Variants in RBFOX1 observed in about 807,000 individuals in gnomAD.
The protein encoded by RBFOX1 is RNA binding protein fox-1 homolog 1.
RBFOX1 carries 8 observed loss-of-function variants against 57.7 expected under a neutral mutation model. The observed-to-expected ratio is 0.14, with a 90% confidence interval of 0.08 to 0.25. The LOEUF is 0.25. Among genes scored for constraint, RBFOX1 ranks in the 10% least tolerant of loss-of-function variants. The probability of loss-of-function intolerance (pLI) is 1.00; values close to 1 mark genes in which losing one functional copy is unlikely to be tolerated. For missense variants in RBFOX1, 611 were observed against 548.5 expected (o/e 1.11, Z -1.14); for synonymous variants, 326 against 222.4 (o/e 1.47, Z -4.15).
intron 3 of RBFOX1, among the ~76,000 whole-genome samples, chr16:6,989,054 C>T (rs1044482332): frequency 5.3e-5 from 8 of 152,140 alleles, no homozygotes; most frequent in East Asian, 3.9e-4. Context: ...TGAGCCACCG[C>T]GCCCGGCTTT....
At position 5,488,006 on chromosome 16, in the gene RBFOX1, GTGA is replaced by G. The variant is rs373688736; in HGVS notation, c.258+20767_258+20769del. On this transcript the variant is annotated intron_variant, in intron 2 of 2. Coordinates refer to the RBFOX1 transcript ENST00000585867. ...GATGTAATCATGATGGAAGATAATAGTGATGATGATGATGATGGTTGTGGTGCT... is the reference window on the plus strand; with the variant it reads ...GATGTAATCATGATGGAAGATAATAGTGATGATGATGATGGTTGTGGTGCT... 2.8e-3 allele frequency among the ~76,000 whole-genome samples: 427 copies of G among 152,174 alleles called. 3 individuals carry two copies. The highest frequency in any genetic ancestry group is 9.7e-3 in the African/African-American group (402 of 41,514).
At chr16:7,234,813 T>G (rs902102461) in intron 4 of RBFOX1, among the ~76,000 whole-genome samples, 3 of 152,080 alleles carry the variant, frequency 2.0e-5, no homozygotes, top group African/African-American at 7.2e-5. Flanking sequence ...TCCAAAAATA[T>G]GCAAGGCACC....
intron 1 of RBFOX1, among the ~76,000 whole-genome samples, chr16:6,280,662 T>A (rs1024914563): frequency 3.3e-5 from 5 of 151,952 alleles, no homozygotes; most frequent in African/African-American, 1.2e-4. Flanking sequence ...CAGAAGTAAT[T>A]AAGATAGGGA....
At chr16:7,142,681 A>C (rs1469213169) in intron 4 of RBFOX1, among the ~76,000 whole-genome samples, 1 of 152,180 alleles carries the variant, frequency 6.6e-6, no homozygotes, top group East Asian at 1.9e-4. Context: ...TTGTTTGTAT[A>C]TACATGTCTT....
intron 1 of RBFOX1, among the ~76,000 whole-genome samples, chr16:6,212,967 C>T (rs978200395): frequency 6.6e-6 from 1 of 152,128 alleles, no homozygotes; most frequent in African/African-American, 2.4e-5. Context: ...ACGGCCTTTT[C>T]CCTTAATAAG....
chr16:7,075,691 C>A (rs1220634333), intron 4 of RBFOX1, among the ~76,000 whole-genome samples: 3 of 152,164 alleles, frequency 2.0e-5, no homozygotes, highest in African/African-American at 7.2e-5. Context: ...CACCATTCTC[C>A]TGCCTCAGTC....
chr16:6,825,237 C>T (rs1231066585), intron 3 of RBFOX1, among the ~76,000 whole-genome samples: 1 of 150,508 alleles, frequency 6.6e-6, no homozygotes, highest in Non-Finnish European at 1.5e-5. Context: ...ACCTCACTGC[C>T]CTCTAGCTAC....
Position 7,711,699 on chromosome 16 carries a change from A to AT in RBFOX1, c.*954_*955insT, listed in dbSNP as rs2084026131. 6.6e-6 allele frequency: 1 copy of AT among 152,666 alleles called. No homozygotes were observed. Among genetic ancestry groups the AT allele is most frequent in the Non-Finnish European group, 1.5e-5 (1 of 68,034 alleles). The allele number at this position is 152,666 out of a possible 1,614,324, so 9.5% of individuals were successfully genotyped here. On this transcript the variant is annotated 3_prime_UTR_variant, in exon 16 of 16. Transcript: ENST00000550418. ...TTTACATCTGTGCAGTGGAGTTGTT[A>AT]AGTTCTAGAAACAGTCTATGAAGCT... is the stretch of plus-strand genomic sequence containing the variant.
chr16:7,583,999 T>C (rs1257126946), intron 6 of RBFOX1, among the ~76,000 whole-genome samples: 1 of 152,206 alleles, frequency 6.6e-6, no homozygotes. Context: ...CTTATGACGT[T>C]AATGGAAAGT....
intron 4 of RBFOX1, among the ~76,000 whole-genome samples, chr16:5,889,313 C>A (rs963740332): frequency 1.3e-5 from 2 of 152,184 alleles, no homozygotes; most frequent in Admixed American, 1.3e-4. Flanking sequence ...TAAGTGAGAA[C>A]ACGTGGTGTT....
At chr16:6,894,609 T>A (rs779093991) in intron 3 of RBFOX1, among the ~76,000 whole-genome samples, 2 of 152,188 alleles carry the variant, frequency 1.3e-5, no homozygotes, top group Non-Finnish European at 2.9e-5. Context: ...CAGTGCAATT[T>A]CGTGACAGTT....
rs1020677512 is a variant in RBFOX1 at position 6,881,159 on chromosome 16, G to C, written c.-15-170898G>C. Reference sequence around the variant, plus strand: ...CAGTGACTATAGATGATCAGAGCTGGCACACAAAATGAAACCCATTTGCTC... The same window carrying C: ...CAGTGACTATAGATGATCAGAGCTGCCACACAAAATGAAACCCATTTGCTC... On this transcript the variant is annotated intron_variant, in intron 3 of 15. Transcript: ENST00000550418. 3.5e-4 allele frequency among the ~76,000 whole-genome samples: 53 copies of C among 152,252 alleles called. 1 individual carries two copies. The highest frequency in any genetic ancestry group is 1.1e-3 in the African/African-American group (47 of 41,550).
At chr16:6,075,054 T>G (rs1340066241) in intron 1 of RBFOX1, among the ~76,000 whole-genome samples, 2 of 151,932 alleles carry the variant, frequency 1.3e-5, no homozygotes, top group Non-Finnish European at 2.9e-5. Context: ...AGAGAGGGGG[T>G]TCTTTCACTA....
intron 3 of RBFOX1, among the ~76,000 whole-genome samples, chr16:5,754,284 A>C (rs1293839858): frequency 6.6e-6 from 1 of 152,122 alleles, no homozygotes; most frequent in African/African-American, 2.4e-5. Context: ...TAATTGTGTT[A>C]ATCTATGTAA....
intron 3 of RBFOX1, among the ~76,000 whole-genome samples, chr16:6,909,844 C>G (rs2071099072): frequency 1.3e-5 from 2 of 152,132 alleles, no homozygotes; most frequent in South Asian, 4.1e-4. Context: ...TTGGGGGTGT[C>G]TGCTCGGACC....
Position 6,966,336 on chromosome 16 carries a change from C to T in RBFOX1, c.-15-85721C>T, listed in dbSNP as rs143539989. 4.6e-5 allele frequency among the ~76,000 whole-genome samples: 7 copies of T among 152,182 alleles called. No individual in the cohort carries two copies. In the East Asian group the frequency reaches 1.4e-3, roughly 30 times the overall value. The stretch of plus-strand genomic sequence containing the variant: ...AGTGAAGGGAGAGCAAGTTTTGGCT[C>T]TCAGAGCACACACAGTCTAGTTTGA... On this transcript the variant is annotated intron_variant, in intron 3 of 15. Transcript: ENST00000550418.
chr16:7,607,458 C>A, intron 10 of RBFOX1, 120 bp downstream of exon 10: 1 of 940,724 alleles, frequency 1.1e-6, no homozygotes, highest in South Asian at 1.5e-5. Flanking sequence ...CTAACAAGTT[C>A]TGAATGATTT....
chr16:7,383,778 C>T (rs2097826780), intron 4 of RBFOX1, among the ~76,000 whole-genome samples: 1 of 152,064 alleles, frequency 6.6e-6, no homozygotes, highest in African/African-American at 2.4e-5. Flanking sequence ...CAAGTATGGC[C>T]TGGCGAGGTG....
intron 2 of RBFOX1, among the ~76,000 whole-genome samples, chr16:5,488,493 G>T (rs1373042366): frequency 6.6e-6 from 1 of 150,810 alleles, no homozygotes. Flanking sequence ...GATGATAATG[G>T]AGGATTATAG....
Sources: allele counts gnomAD v4.1 joint callset (sites outside exome capture counted in the v4.1 genomes callset), GRCh38; gene constraint gnomAD v4.1.1; transcripts MANE v1.5; gene names NCBI Gene and HGNC (gene_info 2026-07-23, HGNC 2026-07-21).